Variants in CDH7 observed in about 807,000 individuals in gnomAD.
The protein encoded by CDH7 is cadherin-7.
A neutral mutation model predicts 71.8 loss-of-function variants in CDH7; 25 were observed. The observed-to-expected ratio is 0.35, with a 90% confidence interval of 0.25 to 0.49. The LOEUF (loss-of-function observed/expected upper bound fraction) is 0.49. CDH7 is among the 20% of genes least tolerant of loss of function. CDH7 has a pLI of 0.99. For synonymous variants in CDH7, 381 were observed against 363.8 expected, an observed-to-expected ratio of 1.05 and a Z score of -0.54; for missense variants, 862 against 974.6, an observed-to-expected ratio of 0.88 and a Z score of 1.54.
chr18:65,839,130 TC>T (rs1912637223), intron 6 of CDH7, among the ~76,000 whole-genome samples: 2 of 152,350 alleles, frequency 1.3e-5, no homozygotes, highest in African/African-American at 4.8e-5. Context: ...GTATCTGTGC[TC>T]TTTAAACATG....
At chr18:65,843,774 A>G (rs778357043) in intron 6 of CDH7, 38 bp from the exon 7 acceptor site, 4 of 1,465,654 alleles carry the variant, frequency 2.7e-6, no homozygotes, top group Non-Finnish European at 3.6e-6. Context: ...CTGACTGTTT[A>G]ACCGGTAATT....
intron 10 of CDH7, among the ~76,000 whole-genome samples, chr18:65,861,196 T>A (rs557630803): frequency 1.3e-5 from 2 of 152,294 alleles, no homozygotes; most frequent in South Asian, 4.1e-4. Flanking sequence ...CCCTTGACTG[T>A]ACCTTGAAGG....
chr18:65,770,755 A>G (rs1158474042), intron 2 of CDH7, among the ~76,000 whole-genome samples: 4 of 152,214 alleles, frequency 2.6e-5, no homozygotes, highest in Non-Finnish European at 4.4e-5. Flanking sequence ...AGAAGTCTAC[A>G]TTGAATAATT....
chr18:65,831,764 G>A (rs989620325), intron 6 of CDH7, among the ~76,000 whole-genome samples: 1 of 150,430 alleles, frequency 6.6e-6, no homozygotes, highest in African/African-American at 2.4e-5. Context: ...ATTTAGAATG[G>A]ATTTTTGAAT....
chr18:65,866,327 A>C (rs1913757071), intron 11 of CDH7: 24 of 1,108 alleles, frequency 0.022, 6 homozygotes, highest in Non-Finnish European at 0.067. Context: ...AAAAAAAAAA[A>C]AAACAAAAAA....
At chr18:65,804,726 A>G (rs79542631) in intron 2 of CDH7, among the ~76,000 whole-genome samples, 4 of 42,566 alleles carry the variant, frequency 9.4e-5, no homozygotes, top group East Asian at 2.9e-3. Context: ...GTGTGTGTGT[A>G]TTTATGAGAG....
At chr18:65,846,035 C>T (rs1040793459) in intron 7 of CDH7, among the ~76,000 whole-genome samples, 1 of 151,930 alleles carries the variant, frequency 6.6e-6, no homozygotes, top group African/African-American at 2.4e-5. Context: ...TTACCCACTC[C>T]CTTGTTGTCA....
At chr18:65,805,570 A>G (rs2143895144) in intron 2 of CDH7, among the ~76,000 whole-genome samples, 1 of 152,332 alleles carries the variant, frequency 6.6e-6, no homozygotes, top group South Asian at 2.1e-4. Context: ...CTTTGAAATA[A>G]CTTCAAAAGA....
intron 2 of CDH7, among the ~76,000 whole-genome samples, chr18:65,777,702 T>G (rs542061621): frequency 6.7e-4 from 102 of 152,108 alleles, no homozygotes; most frequent in Non-Finnish European, 1.2e-3. Context: ...CTCACCAAAT[T>G]ATAACTATTA....
intron 4 of CDH7, among the ~76,000 whole-genome samples, chr18:65,818,265 T>G (rs1040982431): frequency 6.6e-6 from 1 of 152,200 alleles, no homozygotes; most frequent in African/African-American, 2.4e-5. Flanking sequence ...GAGTTTTTTC[T>G]TTTTTAATTT....
rs959029743 is a variant in CDH7, at chr18:65,887,620, G to A, written c.*6726G>A. 7.2e-5 allele frequency: 11 copies of A among 152,066 alleles called. No homozygotes were observed. The highest frequency in any genetic ancestry group is 5.8e-4 in the East Asian group (3 of 5,178). The allele number at this position is 152,066 out of a possible 1,614,324, so 9.4% of individuals were successfully genotyped here. ...GTGTGTGTATATATAGACAGCATGC[G>A]CACACATACATACACGTGTGCAGGA... On this transcript the variant is annotated 3_prime_UTR_variant, in exon 12 of 12. Coordinates refer to ENST00000397968, the MANE Select transcript of CDH7 (RefSeq NM_004361.5).
chr18:65,879,665 C>G (rs974864134), intron 11 of CDH7, among the ~76,000 whole-genome samples: 1 of 152,140 alleles, frequency 6.6e-6, no homozygotes, highest in Non-Finnish European at 1.5e-5. Flanking sequence ...TACAGTGCAA[C>G]CTCCTGCTTT....
chr18:65,754,387 CAGGG>C (rs1375805134), intron 1 of CDH7, among the ~76,000 whole-genome samples: 3 of 152,116 alleles, frequency 2.0e-5, no homozygotes, highest in African/African-American at 7.2e-5. Context: ...TTATCTGGCC[CAGGG>C]AGCTAATGGA....
intron 2 of CDH7, among the ~76,000 whole-genome samples, chr18:65,779,001 A>G (rs1457098123): frequency 6.6e-6 from 1 of 151,022 alleles, no homozygotes; most frequent in Non-Finnish European, 1.5e-5. Flanking sequence ...TGAAACACTT[A>G]GTCTCTAGAC....
rs568322690 is a variant in CDH7 at position 65,881,041 on chromosome 18, A to G, written c.*147A>G. The G allele has an allele frequency of 3.1e-5, 25 of 813,794 alleles. 1 individual carries two copies. The African/African-American group carries it at 3.8e-4, about 12-fold the overall frequency. 50.4% of individuals were successfully genotyped at this position (813,794 alleles called of 1,614,324 possible). ...GGTTGTAAATATTTCTCCATTTTTAATTGTTTAGATTTCTGCCTTGGTGAG... is the reference window on the plus strand; with the variant it reads ...GGTTGTAAATATTTCTCCATTTTTAGTTGTTTAGATTTCTGCCTTGGTGAG... On this transcript the variant is annotated 3_prime_UTR_variant, in exon 12 of 12. Transcript: ENST00000397968.
intron 7 of CDH7, 138 bp from the exon 8 acceptor site, chr18:65,857,678 T>G: frequency 2.6e-6 from 2 of 769,572 alleles, no homozygotes; most frequent in Non-Finnish European, 4.2e-6. Flanking sequence ...AAACCAGGCA[T>G]GCATTTATGT....
chr18:65,768,580 T>G (rs1457306938), intron 2 of CDH7, among the ~76,000 whole-genome samples: 1 of 152,190 alleles, frequency 6.6e-6, no homozygotes, highest in Admixed American at 6.5e-5. Context: ...AAACGATGAT[T>G]GAGTTTTTTT....
intron 2 of CDH7, among the ~76,000 whole-genome samples, chr18:65,783,285 C>A (rs973621346): frequency 1.3e-5 from 2 of 151,968 alleles, no homozygotes; most frequent in South Asian, 2.1e-4. Flanking sequence ...AGAAAATTGA[C>A]AATAATAAAA....
chr18:65,859,913 T>C (rs1399830869), intron 10 of CDH7, 88 bp downstream of exon 10: 1 of 764,918 alleles, frequency 1.3e-6, no homozygotes, highest in East Asian at 2.6e-5. Context: ...TGATTATGGA[T>C]TTTTTTTAAA....
Sources: gnomAD v4.1 joint callset for allele counts (sites outside exome capture counted in the v4.1 genomes callset) on GRCh38, gnomAD v4.1.1 for gene constraint, MANE v1.5 for transcripts, NCBI Gene and HGNC (gene_info 2026-07-23, HGNC 2026-07-21) for gene names.